Variants in CLIC4 observed in about 807,000 individuals in gnomAD.
CLIC4 encodes the protein CLIC family member 4, also known as chloride intracellular channel protein 4.
In CLIC4, 13 loss-of-function variants were observed where a neutral mutation model predicts 24.6. That is an observed-to-expected ratio of 0.53 (90% CI 0.34 to 0.84). The LOEUF (loss-of-function observed/expected upper bound fraction) is 0.84, where lower values mean the gene tolerates loss of function less well. CLIC4 is among the 40% of genes least tolerant of loss of function. The pLI is 0.01. For synonymous variants in CLIC4, 104 were observed against 111.3 expected, an observed-to-expected ratio of 0.93 and a Z score of 0.41; for missense variants, 227 against 301.7, an observed-to-expected ratio of 0.75 and a Z score of 1.83.
At chr1:24,827,628 A>G (rs1639800477) in intron 4 of CLIC4, among the ~76,000 whole-genome samples, 1 of 134,062 alleles carries the variant, frequency 7.5e-6, no homozygotes, top group Non-Finnish European at 1.6e-5. Flanking sequence ...GAGTTGCTTT[A>G]AGAGGGTAAT....
intron 1 of CLIC4, among the ~76,000 whole-genome samples, chr1:24,778,208 G>C (rs1335133766): frequency 6.6e-6 from 1 of 152,076 alleles, no homozygotes; most frequent in Non-Finnish European, 1.5e-5. Context: ...ATGGACCTTG[G>C]AGTTTAAACC....
At chr1:24,814,413 G>A (rs1335509250) in intron 3 of CLIC4, among the ~76,000 whole-genome samples, 194 bp downstream of exon 3, 2 of 152,198 alleles carry the variant, frequency 1.3e-5, no homozygotes, top group African/African-American at 4.8e-5. Context: ...GAAAGGTGGG[G>A]ATTTGTCTAA....
chr1:24,793,070 T>C (rs1201201688), intron 1 of CLIC4: 2 of 152,194 alleles, frequency 1.3e-5, no homozygotes, highest in Middle Eastern at 3.2e-3. Flanking sequence ...GACAGGCAGC[T>C]TGGGAAATTT....
intron 1 of CLIC4, among the ~76,000 whole-genome samples, chr1:24,753,411 G>A (rs1638804180): frequency 6.6e-6 from 1 of 152,172 alleles, no homozygotes; most frequent in Non-Finnish European, 1.5e-5. Context: ...GATGGTCCAT[G>A]CTTAAAGAGT....
intron 3 of CLIC4, among the ~76,000 whole-genome samples, chr1:24,823,268 T>G (rs1639752761): frequency 6.6e-6 from 1 of 152,186 alleles, no homozygotes; most frequent in African/African-American, 2.4e-5. Context: ...AAAGTGAACT[T>G]TTTCTTCTTC....
At chr1:24,774,534 C>T (rs1639108266) in intron 1 of CLIC4, among the ~76,000 whole-genome samples, 1 of 152,108 alleles carries the variant, frequency 6.6e-6, no homozygotes, top group Non-Finnish European at 1.5e-5. Context: ...TGGCTCATGC[C>T]TGTAATCTCA....
At position 24,842,595 on chromosome 1, in the gene CLIC4, A is replaced by G. The variant is rs1639954755; in HGVS notation, c.*1658A>G. 6.6e-6 allele frequency: 1 copy of G among 152,146 alleles called. No individual in the cohort carries two copies. The highest frequency in any genetic ancestry group is 2.4e-5 in the African/African-American group (1 of 41,424). The allele number at this position is 152,146 out of a possible 1,614,324, so 9.4% of individuals were successfully genotyped here. ...CTATCATTAATTAGCTTAGTATGAA[A>G]GATAAGAAAATCTCCATGTTGTATC... On this transcript the variant is annotated 3_prime_UTR_variant, in exon 6 of 6. Transcript: ENST00000374379.
chr1:24,768,384 A>G (rs1225566170), intron 1 of CLIC4, among the ~76,000 whole-genome samples: 1 of 152,220 alleles, frequency 6.6e-6, no homozygotes, highest in Non-Finnish European at 1.5e-5. Flanking sequence ...TCTTTAAAGG[A>G]AATGTAGACG....
At chr1:24,809,566 C>T (rs1351300081) in intron 2 of CLIC4, among the ~76,000 whole-genome samples, 2 of 152,138 alleles carry the variant, frequency 1.3e-5, no homozygotes, top group African/African-American at 4.8e-5. Flanking sequence ...CGCCTTCCAG[C>T]AATTCTGCCT....
intron 3 of CLIC4, among the ~76,000 whole-genome samples, chr1:24,822,155 T>G (rs967925022): frequency 6.6e-6 from 1 of 152,120 alleles, no homozygotes; most frequent in Non-Finnish European, 1.5e-5. Context: ...TGCTTCTTAT[T>G]TTATTGGGTT....
chr1:24,824,160 A>G (rs1254235762), intron 3 of CLIC4, among the ~76,000 whole-genome samples: 1 of 152,272 alleles, frequency 6.6e-6, no homozygotes, highest in South Asian at 2.1e-4. Flanking sequence ...TTTTGAACCT[A>G]CTGGTTTAGA....
At chr1:24,812,113 G>A (rs1639620882) in intron 2 of CLIC4, among the ~76,000 whole-genome samples, 1 of 151,940 alleles carries the variant, frequency 6.6e-6, no homozygotes, top group African/African-American at 2.4e-5. Context: ...TGTTTTATCT[G>A]TCTCTCATCA....
intron 1 of CLIC4, among the ~76,000 whole-genome samples, chr1:24,747,300 C>T (rs1638712440): frequency 6.6e-6 from 1 of 151,830 alleles, no homozygotes; most frequent in Non-Finnish European, 1.5e-5. Context: ...CTTTGGGAGG[C>T]TGAGGTGGGC....
At chr1:24,794,289 T>G (rs2124127721) in intron 1 of CLIC4, among the ~76,000 whole-genome samples, 1 of 152,188 alleles carries the variant, frequency 6.6e-6, no homozygotes, top group South Asian at 2.1e-4. Context: ...ATAGTTTAAC[T>G]AATTTACACT....
At chr1:24,770,976 C>G (rs764926807) in intron 1 of CLIC4, among the ~76,000 whole-genome samples, 1 of 152,276 alleles carries the variant, frequency 6.6e-6, no homozygotes, top group Non-Finnish European at 1.5e-5. Context: ...CTTCTGGTCA[C>G]AGCACATGTC....
intron 1 of CLIC4, among the ~76,000 whole-genome samples, chr1:24,773,969 A>T (rs566394570): frequency 6.6e-6 from 1 of 151,918 alleles, no homozygotes; most frequent in Non-Finnish European, 1.5e-5. Context: ...TTTTTATTTT[A>T]ATTTTAATTT....
intron 1 of CLIC4, among the ~76,000 whole-genome samples, chr1:24,783,869 G>C (rs1199239802): frequency 1.3e-5 from 2 of 152,138 alleles, no homozygotes; most frequent in Non-Finnish European, 2.9e-5. Context: ...AGCGTGAAGG[G>C]AATAGACTGT....
chr1:24,808,499 ACCGCCC>A (rs955105155), intron 2 of CLIC4, among the ~76,000 whole-genome samples: 12 of 151,328 alleles, frequency 7.9e-5, no homozygotes, highest in Admixed American at 7.2e-4. Context: ...TACAACTGCA[ACCGCCC>A]CCGCCCCCGC....
In CLIC4 at chr1:24,842,997, CAA is replaced by C. The variant is rs1371264216; in HGVS notation, c.*2061_*2062del. 9 of 152,066 alleles carry C rather than the reference CAA, an allele frequency of 5.9e-5. No homozygotes were observed. Among genetic ancestry groups the C allele is most frequent in the Non-Finnish European group, 8.8e-5 (6 of 67,992 alleles). The allele number at this position is 152,066 out of a possible 1,614,324, so 9.4% of individuals were successfully genotyped here. ...TGAGTGGTGCGAGGTGGAGGGCTAACAAGAGGAAAGAACTACATTCTTCAGAA... is the reference window on the plus strand; with the variant it reads ...TGAGTGGTGCGAGGTGGAGGGCTAACGAGGAAAGAACTACATTCTTCAGAA... On this transcript the variant is annotated 3_prime_UTR_variant, in exon 6 of 6. Transcript: ENST00000374379.
Sources: allele counts gnomAD v4.1 joint callset (sites outside exome capture counted in the v4.1 genomes callset), GRCh38; gene constraint gnomAD v4.1.1; transcripts MANE v1.5; gene names NCBI Gene and HGNC (gene_info 2026-07-23, HGNC 2026-07-21).